The following BAZ2B variants were observed in gnomAD, a reference collection of about 807,000 sequenced individuals.
BAZ2B encodes the protein bromodomain adjacent to zinc finger domain protein 2B.
A neutral mutation model predicts 246.0 loss-of-function variants in BAZ2B; 91 were observed. That is an observed-to-expected ratio of 0.37 (90% CI 0.31 to 0.44). The LOEUF (loss-of-function observed/expected upper bound fraction) is 0.44, where lower values mean the gene tolerates loss of function less well. Among genes scored for constraint, BAZ2B ranks in the 20% least tolerant of loss-of-function variants. The probability of loss-of-function intolerance (pLI) is 1.00; values close to 1 mark genes in which losing one functional copy is unlikely to be tolerated. For missense variants in BAZ2B, 2,332 were observed against 2,533.7 expected (o/e 0.92, Z 1.71); for synonymous variants, 855 against 860.0 (o/e 0.99, Z 0.10).
chr2:159,482,867 T>C (rs1366682788), intron 2 of BAZ2B, among the ~76,000 whole-genome samples: 3 of 152,176 alleles, frequency 2.0e-5, no homozygotes, highest in African/African-American at 7.2e-5. Context: ...TAGAAAAATA[T>C]ATTCATTAAA....
At chr2:159,675,588 T>C in the BAZ2B span, among the ~76,000 whole-genome samples, 61,474 of 152,016 alleles carry the variant, frequency 0.4, 12,960 homozygotes, top group African/African-American at 0.5. Flanking sequence ...ATAATTAAGG[T>C]ACAATTTTAT....
At chr2:159,619,521 T>C (rs963859733), upstream of BAZ2B, among the ~76,000 whole-genome samples, 1 of 151,082 alleles carries the variant, frequency 6.6e-6, no homozygotes, top group Non-Finnish European at 1.5e-5. Context: ...TTCATAAATA[T>C]ATTTCTCTAT....
chr2:159,648,641 T>G, the BAZ2B span, among the ~76,000 whole-genome samples: 2 of 152,250 alleles, frequency 1.3e-5, no homozygotes, highest in African/African-American at 2.4e-5. Context: ...ATTGTTTGCA[T>G]GTTTAAATTG....
At chr2:159,518,442 G>T (rs148096756) in intron 2 of BAZ2B, among the ~76,000 whole-genome samples, 29 of 152,132 alleles carry the variant, frequency 1.9e-4, no homozygotes, top group Non-Finnish European at 2.2e-4. Context: ...CAGACAAAAA[G>T]CTTCAGAGTG....
At chr2:159,438,104 A>G (rs2072742272) in intron 8 of BAZ2B, 199 bp downstream of exon 8, 1 of 541,058 alleles carries the variant, frequency 1.8e-6, no homozygotes, top group Non-Finnish European at 3.2e-6. Context: ...TTGCATTGCC[A>G]AAAATACATT....
At chr2:159,612,909 C>G (rs1488768174) in intron 1 of BAZ2B, among the ~76,000 whole-genome samples, 11 of 152,084 alleles carry the variant, frequency 7.2e-5, no homozygotes, top group Non-Finnish European at 1.6e-4. Context: ...GAAAGGGCAA[C>G]AGAATTAAAA....
chr2:159,331,380 A>T (rs939470951), intron 34 of BAZ2B, among the ~76,000 whole-genome samples: 10 of 152,040 alleles, frequency 6.6e-5, no homozygotes, highest in East Asian at 1.9e-4. Flanking sequence ...TTTATTTATT[A>T]ATTTAGAGAT....
chr2:159,412,798 G>A (rs116829633), intron 13 of BAZ2B, among the ~76,000 whole-genome samples: 4,985 of 152,066 alleles, frequency 0.033, 131 homozygotes, highest in East Asian at 0.091. Flanking sequence ...ATCTATAAAT[G>A]TAGAGATATA....
chr2:159,577,842 A>G (rs1685722480), intron 1 of BAZ2B, among the ~76,000 whole-genome samples: 1 of 152,204 alleles, frequency 6.6e-6, no homozygotes, highest in African/African-American at 2.4e-5. Flanking sequence ...ACTGAAACTT[A>G]TAATACTGCT....
chr2:159,503,565 C>T (rs962043510), intron 2 of BAZ2B, among the ~76,000 whole-genome samples: 1 of 151,884 alleles, frequency 6.6e-6, no homozygotes. Context: ...TTTTTATCTG[C>T]CTTCTTCTTT....
intron 2 of BAZ2B, among the ~76,000 whole-genome samples, chr2:159,501,192 A>AAT (rs546067280): frequency 2.6e-5 from 2 of 76,710 alleles, no homozygotes; most frequent in Admixed American, 1.5e-4. Flanking sequence ...ATTTATATAT[A>AAT]ATATATATAT....
chr2:159,416,393 T>A (rs2067716869), intron 13 of BAZ2B, among the ~76,000 whole-genome samples: 1 of 152,178 alleles, frequency 6.6e-6, no homozygotes, highest in Non-Finnish European at 1.5e-5. Context: ...TTCACCAGCA[T>A]GGGAAGCTTT....
chr2:159,318,784 C>T (rs1324032755), downstream of BAZ2B, among the ~76,000 whole-genome samples: 1 of 151,942 alleles, frequency 6.6e-6, no homozygotes, highest in Non-Finnish European at 1.5e-5. Context: ...CGGAGAAGTT[C>T]GCAGACCAGA....
At chr2:159,658,172 T>A in the BAZ2B span, among the ~76,000 whole-genome samples, 406 of 152,344 alleles carry the variant, frequency 2.7e-3, 2 homozygotes, top group African/African-American at 9.2e-3. Context: ...TTTTTATGCA[T>A]CTATTGATAG....
intron 1 of BAZ2B, among the ~76,000 whole-genome samples, chr2:159,601,903 C>G (rs551697453): frequency 6.6e-6 from 1 of 152,222 alleles, no homozygotes; most frequent in Non-Finnish European, 1.5e-5. Flanking sequence ...TAATTTCATT[C>G]TTTATACAAT....
rs2074326106 is a variant in BAZ2B, at chr2:159,446,866, G to A, written c.612C>T (p.Ser204=). The A allele has an allele frequency of 1.9e-6, 3 of 1,613,604 alleles. No individual in the cohort carries two copies. The highest frequency in any genetic ancestry group is 4.5e-5 in the East Asian group (2 of 44,814). The stretch of plus-strand genomic sequence containing the variant: ...TACATTTTCGATTTCCTCCACCTGA[G>A]CTTGTACTTTTAGTTTGTCCCATGG... ...SSSMGQTKST[S]SGGGNRKCNQ... is the part of the protein sequence containing the mutation. Residue 204 remains serine, a synonymous_variant, in exon 6 of 37, where the codon AGC becomes AGT. Coordinates refer to ENST00000392783, the MANE Select transcript of BAZ2B (RefSeq NM_013450.4).
intron 1 of BAZ2B, among the ~76,000 whole-genome samples, chr2:159,599,935 C>CAAAAAAA (rs11303439): frequency 1.3e-4 from 13 of 101,510 alleles, no homozygotes; most frequent in East Asian, 2.9e-4. Context: ...GACTCCTTCT[C>CAAAAAAA]AAAAAAAAAA....
chr2:159,468,924 G>T (rs2077421188), intron 3 of BAZ2B, among the ~76,000 whole-genome samples: 1 of 151,676 alleles, frequency 6.6e-6, no homozygotes, highest in African/African-American at 2.4e-5. Flanking sequence ...GGTGGTGGGT[G>T]CCTGTAATCA....
At chr2:159,554,251 T>A (rs2088762516) in intron 2 of BAZ2B, among the ~76,000 whole-genome samples, 1 of 152,224 alleles carries the variant, frequency 6.6e-6, no homozygotes, top group African/African-American at 2.4e-5. Flanking sequence ...AAAATTTAAA[T>A]AAAAATAAGC....
Sources: gnomAD v4.1 joint callset for allele counts (sites outside exome capture counted in the v4.1 genomes callset) on GRCh38, gnomAD v4.1.1 for gene constraint, MANE v1.5 for transcripts, NCBI Gene and HGNC (gene_info 2026-07-23, HGNC 2026-07-21) for gene names.